GREM2: variants seen among roughly 807,000 people sequenced by gnomAD.
GREM2 encodes the protein gremlin-2.
GREM2 carries 11 observed loss-of-function variants against 14.2 expected under a neutral mutation model. That is an observed-to-expected ratio of 0.78 (90% confidence interval 0.49 to 1.28). The LOEUF is 1.28. Among genes scored for constraint, GREM2 ranks in the 50% most tolerant of loss-of-function variants. GREM2 has a pLI of 0.00. For missense variants in GREM2, 210 were observed against 218.5 expected (o/e 0.96, Z 0.24); for synonymous variants, 98 against 97.6 (o/e 1.00, Z -0.02).
intron 1 of GREM2, among the ~76,000 whole-genome samples, chr1:240,516,670 AT>A (rs1677963319): frequency 6.6e-6 from 1 of 152,100 alleles, no homozygotes; most frequent in South Asian, 2.1e-4. Context: ...TCTTGTCTAG[AT>A]TTAAACAACA....
At chr1:240,562,777 ATG>A (rs1457492093) in intron 1 of GREM2, among the ~76,000 whole-genome samples, 3 of 149,584 alleles carry the variant, frequency 2.0e-5, no homozygotes, top group African/African-American at 7.4e-5. Context: ...ATGTGTGTGT[ATG>A]AGTGTGTATG....
intron 1 of GREM2, among the ~76,000 whole-genome samples, chr1:240,517,513 G>A (rs1677979603): frequency 6.6e-6 from 1 of 152,122 alleles, no homozygotes; most frequent in African/African-American, 2.4e-5. Context: ...CCTCTGAATG[G>A]GAATTATAGT....
chr1:240,498,207 C>T (rs1677476206), intron 1 of GREM2, among the ~76,000 whole-genome samples: 1 of 152,182 alleles, frequency 6.6e-6, no homozygotes, highest in African/African-American at 2.4e-5. Flanking sequence ...GTTTTCAAAA[C>T]ATCTGGCAAT....
intron 1 of GREM2, among the ~76,000 whole-genome samples, chr1:240,546,872 G>T (rs1028106134): frequency 7.1e-6 from 1 of 140,176 alleles, no homozygotes; most frequent in Non-Finnish European, 1.5e-5. Flanking sequence ...TTATCACTTA[G>T]TAAAAAAAAA....
chr1:240,526,461 T>C (rs891817900), intron 1 of GREM2, among the ~76,000 whole-genome samples: 7 of 152,318 alleles, frequency 4.6e-5, no homozygotes, highest in Non-Finnish European at 1.0e-4. Context: ...CCGGCAAGCA[T>C]TTAAAGCTGT....
intron 1 of GREM2, among the ~76,000 whole-genome samples, chr1:240,602,673 G>A (rs1031231535): frequency 1.1e-4 from 17 of 150,542 alleles, no homozygotes; most frequent in African/African-American, 3.7e-4. Flanking sequence ...AAAATTAGCC[G>A]GGCATGGTGA....
chr1:240,566,836 C>T (rs896747018), intron 1 of GREM2, among the ~76,000 whole-genome samples: 6 of 151,858 alleles, frequency 4.0e-5, no homozygotes, highest in African/African-American at 1.2e-4. Flanking sequence ...CAAAAACAAA[C>T]AAATAAAAAC....
intron 1 of GREM2, among the ~76,000 whole-genome samples, chr1:240,545,335 G>A (rs1277128737): frequency 6.6e-6 from 1 of 152,260 alleles, no homozygotes; most frequent in African/African-American, 2.4e-5. Flanking sequence ...GGTGCCCAGG[G>A]AGGGCATGGA....
At chr1:240,508,508 C>T (rs1677729948) in intron 1 of GREM2, among the ~76,000 whole-genome samples, 1 of 152,140 alleles carries the variant, frequency 6.6e-6, no homozygotes, top group Admixed American at 6.5e-5. Flanking sequence ...TTCCTAGGAT[C>T]AGCCTAATTA....
At chr1:240,601,332 A>G (rs572066823) in intron 1 of GREM2, among the ~76,000 whole-genome samples, 4 of 152,306 alleles carry the variant, frequency 2.6e-5, no homozygotes, top group African/African-American at 9.6e-5. Flanking sequence ...CTCCAAACCA[A>G]TGGTACACAT....
chr1:240,550,973 A>G (rs1425109408), intron 1 of GREM2, among the ~76,000 whole-genome samples: 1 of 152,228 alleles, frequency 6.6e-6, no homozygotes, highest in Non-Finnish European at 1.5e-5. Context: ...AATTAAAAGG[A>G]ATAATTTTGA....
At chr1:240,545,819 T>C (rs1271397184) in intron 1 of GREM2, among the ~76,000 whole-genome samples, 1 of 152,176 alleles carries the variant, frequency 6.6e-6, no homozygotes, top group East Asian at 1.9e-4. Flanking sequence ...TTTCAGTTGT[T>C]TTTTTCCTTT....
At chr1:240,513,942 G>A (rs1255236496) in intron 1 of GREM2, among the ~76,000 whole-genome samples, 2 of 136,036 alleles carry the variant, frequency 1.5e-5, no homozygotes, top group African/African-American at 6.2e-5. Context: ...GACAGAAATG[G>A]CTTTAAGAGG....
intron 1 of GREM2, among the ~76,000 whole-genome samples, chr1:240,525,194 T>C (rs1315610032): frequency 6.6e-6 from 1 of 152,202 alleles, no homozygotes; most frequent in Non-Finnish European, 1.5e-5. Flanking sequence ...GCAAGAAATG[T>C]CCTAATTTCT....
chr1:240,547,741 T>C (rs545690019), intron 1 of GREM2, among the ~76,000 whole-genome samples: 10 of 151,996 alleles, frequency 6.6e-5, no homozygotes, highest in South Asian at 2.1e-4. Context: ...AATATTAATA[T>C]GGTAGTTTAG....
chr1:240,542,042 T>G lies in GREM2; in HGVS notation c.-1-48566A>C, dbSNP rs1309814299. On this transcript the variant is annotated intron_variant, in intron 1 of 1. Transcript: ENST00000318160. The surrounding 1 kb of genome is among the most constrained non-coding windows in gnomAD (Gnocchi z 4.1). ...TTGTGATTTTGCCCCTCAGGGGACA[T>G]TTGTCAATGTGTGGAGGCATTTTTG... 2.0e-5 allele frequency among the ~76,000 whole-genome samples: 3 copies of G among 152,170 alleles called. No individual in the cohort carries two copies. Among genetic ancestry groups the G allele is most frequent in the African/African-American group, 7.2e-5 (3 of 41,458 alleles).
intron 1 of GREM2, among the ~76,000 whole-genome samples, chr1:240,603,151 C>T (rs1043811846): frequency 6.6e-6 from 1 of 152,250 alleles, no homozygotes; most frequent in South Asian, 2.1e-4. Flanking sequence ...TCAATGGGAA[C>T]TCATGCAGAT....
intron 1 of GREM2, among the ~76,000 whole-genome samples, chr1:240,578,226 A>T (rs189432046): frequency 2.0e-4 from 30 of 152,114 alleles, no homozygotes; most frequent in African/African-American, 6.5e-4. Context: ...CCTGGGTTCA[A>T]GCTATTCTCC....
Position 240,543,385 on chromosome 1 carries a change from G to A in GREM2, c.-1-49909C>T, listed in dbSNP as rs1242695535. 1.3e-5 allele frequency among the ~76,000 whole-genome samples: 2 copies of A among 152,178 alleles called. No individual in the cohort carries two copies. The highest frequency in any genetic ancestry group is 2.4e-5 in the African/African-American group (1 of 41,418). On this transcript the variant is annotated intron_variant, in intron 1 of 1. Transcript: ENST00000318160. The surrounding 1 kb of genome is among the most constrained non-coding windows in gnomAD (Gnocchi z 6.4). ...ACAATCAAGGCAGAAGACAAATGAG[G>A]AGCAAAATCACGTCTTACATGGTGG... is the stretch of plus-strand genomic sequence containing the variant.
Sources: gnomAD v4.1 joint callset for allele counts (sites outside exome capture counted in the v4.1 genomes callset) on GRCh38, gnomAD v4.1.1 for gene constraint, Gnocchi (gnomAD v3.1) non-coding constraint, MANE v1.5 for transcripts, NCBI Gene and HGNC (gene_info 2026-07-23, HGNC 2026-07-21) for gene names.